Variants in NOPCHAP1 observed in about 807,000 individuals in gnomAD.
The protein encoded by NOPCHAP1 is NOP protein chaperone 1.
In NOPCHAP1, 13 loss-of-function variants were observed where a neutral mutation model predicts 14.0. That is an observed-to-expected ratio of 0.93 (90% CI 0.60 to 1.47). NOPCHAP1 has a LOEUF of 1.47. Among genes scored for constraint, NOPCHAP1 ranks in the 40% most tolerant of loss-of-function variants. The pLI, the probability that NOPCHAP1 is intolerant of heterozygous loss-of-function variation, is 0.00. For synonymous variants in NOPCHAP1, 78 were observed against 78.4 expected (o/e 1.00, Z 0.03); for missense variants, 230 against 226.9 (o/e 1.01, Z -0.09).
chr12:104,987,371 T>A (rs1335422049), intron 1 of NOPCHAP1, among the ~76,000 whole-genome samples: 2 of 152,208 alleles, frequency 1.3e-5, no homozygotes, highest in African/African-American at 2.4e-5. Flanking sequence ...CTGGAGATCA[T>A]GTGGCTAGAA....
chr12:104,994,795 G>A lies in NOPCHAP1; in HGVS notation c.*99G>A, dbSNP rs1873463604. 2 of 1,072,270 alleles carry A rather than the reference G, an allele frequency of 1.9e-6. No individual in the cohort carries two copies. The highest frequency in any genetic ancestry group is 3.2e-5 in the African/African-American group (2 of 62,250). 66.4% of individuals were successfully genotyped at this position (1,072,270 alleles called of 1,614,324 possible). On this transcript the variant is annotated 3_prime_UTR_variant, in exon 4 of 4. Coordinates refer to ENST00000552951, the MANE Select transcript of NOPCHAP1 (RefSeq NM_152318.3). The stretch of plus-strand genomic sequence containing the variant: ...TTCTTTTGCTTTTCAGGCACCTATG[G>A]TGCTTTTATATGTTAAAAACTTTAG...
rs1028755355 is a variant in NOPCHAP1 at position 105,014,404 on chromosome 12, A to C, written c.*19708A>C. The C allele has an allele frequency of 6.6e-5, 10 of 152,196 alleles. No homozygotes were observed. Among genetic ancestry groups the C allele is most frequent in the Non-Finnish European group, 1.2e-4 (8 of 68,034 alleles). The allele number at this position is 152,196 out of a possible 1,614,324, so 9.4% of individuals were successfully genotyped here. The stretch of plus-strand genomic sequence containing the variant: ...GCAGTTCATCTGTGAATTTTTTCAA[A>C]TTGTCACAAATCTCCAAAAATGTTA... On this transcript the variant is annotated 3_prime_UTR_variant, in exon 4 of 4. Coordinates refer to ENST00000552951, the MANE Select transcript of NOPCHAP1 (RefSeq NM_152318.3).
Position 105,008,076 on chromosome 12 carries a change from A to C in NOPCHAP1, c.*13380A>C, listed in dbSNP as rs1873742547. On this transcript the variant is annotated 3_prime_UTR_variant, in exon 4 of 4. Transcript: ENST00000552951. ...TTCTAGATCCTTGAGGAATTGCCAC[A>C]CTGTCTTCCACAATGGTTGAACTAA... 1 of 152,218 alleles carries C rather than the reference A, an allele frequency of 6.6e-6. No individual in the cohort carries two copies. Among genetic ancestry groups the C allele is most frequent in the Non-Finnish European group, 1.5e-5 (1 of 68,038 alleles). 9.4% of individuals were successfully genotyped at this position (152,218 alleles called of 1,614,324 possible). A position where few individuals can be genotyped will look rare whatever the true frequency, so the allele number is the denominator to read the frequency against.
rs1027850839 is a variant in NOPCHAP1 at position 105,012,974 on chromosome 12, T to C, written c.*18278T>C. ...GTAGGCATAGGGGTCAAGGACCCAC[T>C]TGAGGAGGCAGTCTGTCCCTTAGCA... is the stretch of plus-strand genomic sequence containing the variant. On this transcript the variant is annotated 3_prime_UTR_variant, in exon 4 of 4. Transcript: ENST00000552951. 1 of 152,332 alleles carries C rather than the reference T, an allele frequency of 6.6e-6. No individual in the cohort carries two copies. The highest frequency in any genetic ancestry group is 1.5e-5 in the Non-Finnish European group (1 of 68,128). The allele number at this position is 152,332 out of a possible 1,614,324, so 9.4% of individuals were successfully genotyped here.
rs1873780589 is a variant in NOPCHAP1, at chr12:105,009,820, G to C, written c.*15124G>C. 1 of 152,216 alleles carries C rather than the reference G, an allele frequency of 6.6e-6. No homozygotes were observed. Among genetic ancestry groups the C allele is most frequent in the South Asian group, 2.1e-4 (1 of 4,830 alleles). 9.4% of individuals were successfully genotyped at this position (152,216 alleles called of 1,614,324 possible). Reference sequence around the variant, plus strand: ...TGCATCCCAGGGATGAAGCTGACTTGATTGTGGTGGATAAGCTTTTTGATG... The same window carrying C: ...TGCATCCCAGGGATGAAGCTGACTTCATTGTGGTGGATAAGCTTTTTGATG... On this transcript the variant is annotated 3_prime_UTR_variant, in exon 4 of 4. Coordinates refer to ENST00000552951, the MANE Select transcript of NOPCHAP1 (RefSeq NM_152318.3).
In NOPCHAP1 at chr12:105,006,879, AT is replaced by A. The variant is rs142349464; in HGVS notation, c.*12193del. 41 of 145,622 alleles carry A rather than the reference AT, an allele frequency of 2.8e-4. No homozygotes were observed. Among genetic ancestry groups the A allele is most frequent in the South Asian group, 4.3e-4 (2 of 4,616 alleles). 9.0% of individuals were successfully genotyped at this position (145,622 alleles called of 1,614,324 possible). A position where few individuals can be genotyped will look rare whatever the true frequency, so the allele number is the denominator to read the frequency against. On this transcript the variant is annotated 3_prime_UTR_variant, in exon 4 of 4. Transcript: ENST00000552951. ...GTGTGCAGATTATTTCGTTTGTGGC[AT>A]TTTTTTTTTCCAGATGAGGGTACTT...
In NOPCHAP1 at chr12:105,016,663, C is replaced by G. The variant is rs1205215740; in HGVS notation, c.*21967C>G. On this transcript the variant is annotated 3_prime_UTR_variant, in exon 4 of 4. Transcript: ENST00000552951. ...TATAAAACCATCAGACCTGGTGAGA[C>G]TTATTCACATGAGAACAGCATAGGA... 1 of 152,122 alleles carries G rather than the reference C, an allele frequency of 6.6e-6. No homozygotes were observed. The highest frequency in any genetic ancestry group is 6.6e-5 in the Admixed American group (1 of 15,264). 9.4% of individuals were successfully genotyped at this position (152,122 alleles called of 1,614,324 possible).
At position 105,002,451 on chromosome 12, in the gene NOPCHAP1, C is replaced by T. The variant is rs1873627044; in HGVS notation, c.*7755C>T. On this transcript the variant is annotated 3_prime_UTR_variant, in exon 4 of 4. Transcript: ENST00000552951. ...AGAAGTATCCCTTGGTGTATTGGAA[C>T]CTGGAATGTTTTACAAATAGTCTTT... 6.6e-6 allele frequency: 1 copy of T among 152,102 alleles called. No individual in the cohort carries two copies. The highest frequency in any genetic ancestry group is 1.9e-4 in the East Asian group (1 of 5,190). 9.4% of individuals were successfully genotyped at this position (152,102 alleles called of 1,614,324 possible). A position where few individuals can be genotyped will look rare whatever the true frequency, so the allele number is the denominator to read the frequency against.
chr12:105,014,104 G>A lies in NOPCHAP1; in HGVS notation c.*19408G>A, dbSNP rs1454750347. On this transcript the variant is annotated 3_prime_UTR_variant, in exon 4 of 4. Transcript: ENST00000552951. ...CTTGCAACACGAGCTCATCGCAATA[G>A]CAACAGGAGGTGACCACAAAGTTAT... 2 of 152,134 alleles carry A rather than the reference G, an allele frequency of 1.3e-5. No homozygotes were observed. The highest frequency in any genetic ancestry group is 2.4e-5 in the African/African-American group (1 of 41,430). 9.4% of individuals were successfully genotyped at this position (152,134 alleles called of 1,614,324 possible).
rs574172587 is a variant in NOPCHAP1 at position 105,010,157 on chromosome 12, A to G, written c.*15461A>G. On this transcript the variant is annotated 3_prime_UTR_variant, in exon 4 of 4. Transcript: ENST00000552951. ...CAATTTCAGAACTTGTTATTGGTCTATTCAGGGATTCAACGTTTTCCTGGT... is the reference window on the plus strand; with the variant it reads ...CAATTTCAGAACTTGTTATTGGTCTGTTCAGGGATTCAACGTTTTCCTGGT... 2.6e-5 allele frequency: 4 copies of G among 152,278 alleles called. No individual in the cohort carries two copies. Among genetic ancestry groups the G allele is most frequent in the African/African-American group, 9.6e-5 (4 of 41,536 alleles). 9.4% of individuals were successfully genotyped at this position (152,278 alleles called of 1,614,324 possible). A position where few individuals can be genotyped will look rare whatever the true frequency, so the allele number is the denominator to read the frequency against.
At position 105,007,209 on chromosome 12, in the gene NOPCHAP1, A is replaced by G. The variant is rs1873725884; in HGVS notation, c.*12513A>G. ...TGATAGCAATCCTGTACCCACATAA[A>G]AGCTGCATTTTCAATAGGAAATAAA... is the stretch of plus-strand genomic sequence containing the variant. On this transcript the variant is annotated 3_prime_UTR_variant, in exon 4 of 4. Transcript: ENST00000552951. 2 of 152,174 alleles carry G rather than the reference A, an allele frequency of 1.3e-5. No individual in the cohort carries two copies. Among genetic ancestry groups the G allele is most frequent in the Admixed American group, 1.3e-4 (2 of 15,274 alleles). The allele number at this position is 152,174 out of a possible 1,614,324, so 9.4% of individuals were successfully genotyped here.
In NOPCHAP1 at chr12:104,999,729, G is replaced by T. The variant is rs535238802; in HGVS notation, c.*5033G>T. The T allele has an allele frequency of 3.9e-5, 6 of 152,712 alleles. No individual in the cohort carries two copies. The East Asian group carries it at 9.6e-4, about 24-fold the overall frequency. 9.5% of individuals were successfully genotyped at this position (152,712 alleles called of 1,614,324 possible). Reference sequence around the variant, plus strand: ...CCTGCAAGCTCAAGAGTCCATGGGGGTCCTGGGGTCTCCTGCCAGATTCCA... The same window carrying T: ...CCTGCAAGCTCAAGAGTCCATGGGGTTCCTGGGGTCTCCTGCCAGATTCCA... On this transcript the variant is annotated 3_prime_UTR_variant, in exon 4 of 4. Transcript: ENST00000552951.
In NOPCHAP1 at chr12:105,010,997, T is replaced by C. The variant is rs193140444; in HGVS notation, c.*16301T>C. The C allele has an allele frequency of 6.6e-6, 1 of 152,338 alleles. No individual in the cohort carries two copies. The highest frequency in any genetic ancestry group is 1.9e-4 in the East Asian group (1 of 5,188). 9.4% of individuals were successfully genotyped at this position (152,338 alleles called of 1,614,324 possible). A position where few individuals can be genotyped will look rare whatever the true frequency, so the allele number is the denominator to read the frequency against. The stretch of plus-strand genomic sequence containing the variant: ...TCTGTAGATGTCTATTAAGCACACT[T>C]GGTCCAGAGCTGAGTTCAAGTCCTG... On this transcript the variant is annotated 3_prime_UTR_variant, in exon 4 of 4. Transcript: ENST00000552951.
chr12:105,002,262 T>G lies in NOPCHAP1; in HGVS notation c.*7566T>G, dbSNP rs1422097147. ...TTAGAGAGACATGAGCTTTTCGACC[T>G]TTAGTCTTTTACTTACTCTATTCTC... On this transcript the variant is annotated 3_prime_UTR_variant, in exon 4 of 4. Coordinates refer to ENST00000552951, the MANE Select transcript of NOPCHAP1 (RefSeq NM_152318.3). The G allele has an allele frequency of 6.6e-6, 1 of 152,224 alleles. No individual in the cohort carries two copies. The highest frequency in any genetic ancestry group is 1.5e-5 in the Non-Finnish European group (1 of 68,036). 9.4% of individuals were successfully genotyped at this position (152,224 alleles called of 1,614,324 possible). A position where few individuals can be genotyped will look rare whatever the true frequency, so the allele number is the denominator to read the frequency against.
rs1057272341 is a variant in NOPCHAP1 at position 104,999,224 on chromosome 12, T to C, written c.*4528T>C. Reference sequence around the variant, plus strand: ...GTGTACACAGGTGCTGGCAAAGTGATTCGGGGGTTGGCTGCATGCCAGCGT... The same window carrying C: ...GTGTACACAGGTGCTGGCAAAGTGACTCGGGGGTTGGCTGCATGCCAGCGT... On this transcript the variant is annotated 3_prime_UTR_variant, in exon 4 of 4. Coordinates refer to ENST00000552951, the MANE Select transcript of NOPCHAP1 (RefSeq NM_152318.3). 2 of 152,340 alleles carry C rather than the reference T, an allele frequency of 1.3e-5. No homozygotes were observed. Among genetic ancestry groups the C allele is most frequent in the South Asian group, 2.1e-4 (1 of 4,824 alleles). The allele number at this position is 152,340 out of a possible 1,614,324, so 9.4% of individuals were successfully genotyped here.
At position 105,002,977 on chromosome 12, in the gene NOPCHAP1, G is replaced by A. The variant is rs370017045; in HGVS notation, c.*8281G>A. On this transcript the variant is annotated 3_prime_UTR_variant, in exon 4 of 4. Coordinates refer to ENST00000552951, the MANE Select transcript of NOPCHAP1 (RefSeq NM_152318.3). ...GAGTAGTTGAGCAAAAAGGTTATTA[G>A]ACTCAGAGTATTGAGGTAAAGATGG... is the stretch of plus-strand genomic sequence containing the variant. 19 of 152,300 alleles carry A rather than the reference G, an allele frequency of 1.2e-4. No individual in the cohort carries two copies. Among genetic ancestry groups the A allele is most frequent in the African/African-American group, 4.3e-4 (18 of 41,560 alleles). 9.4% of individuals were successfully genotyped at this position (152,300 alleles called of 1,614,324 possible).
rs1368733929 is a variant in NOPCHAP1, at chr12:105,016,297, A to T, written c.*21601A>T. ...AAATGAAATCAGGATTGCATTCTTC[A>T]CCTGTCAAATTGGCAGATGCAACAG... On this transcript the variant is annotated 3_prime_UTR_variant, in exon 4 of 4. Transcript: ENST00000552951. 1 of 152,350 alleles carries T rather than the reference A, an allele frequency of 6.6e-6. No homozygotes were observed. Among genetic ancestry groups the T allele is most frequent in the Non-Finnish European group, 1.5e-5 (1 of 68,028 alleles). 9.4% of individuals were successfully genotyped at this position (152,350 alleles called of 1,614,324 possible). A position where few individuals can be genotyped will look rare whatever the true frequency, so the allele number is the denominator to read the frequency against.
chr12:104,995,686 CT>C lies in NOPCHAP1; in HGVS notation c.*1001del, dbSNP rs531950431. On this transcript the variant is annotated 3_prime_UTR_variant, in exon 4 of 4. Transcript: ENST00000552951. ...CTTTCCTCAGTGGAAACTAGCATAT[CT>C]TTTTTTTTTTCGAGATGGAGTCTTG... The C allele has an allele frequency of 1.6e-4, 23 of 147,576 alleles. No individual in the cohort carries two copies. Among genetic ancestry groups the C allele is most frequent in the East Asian group, 7.9e-4 (4 of 5,062 alleles). The allele number at this position is 147,576 out of a possible 1,614,324, so 9.1% of individuals were successfully genotyped here.
At chr12:104,988,785 A>G (rs1473599153) in intron 2 of NOPCHAP1, among the ~76,000 whole-genome samples, 1 of 152,218 alleles carries the variant, frequency 6.6e-6, no homozygotes, top group Non-Finnish European at 1.5e-5. Context: ...AACAATGTAA[A>G]TAAGCATGAA....
Sources: gnomAD v4.1 joint callset for allele counts (sites outside exome capture counted in the v4.1 genomes callset) on GRCh38, gnomAD v4.1.1 for gene constraint, MANE v1.5 for transcripts, NCBI Gene and HGNC (gene_info 2026-07-23, HGNC 2026-07-21) for gene names.